Variants in LZTFL1 observed in about 807,000 individuals in gnomAD.
LZTFL1 encodes leucine zipper transcription factor-like protein 1.
Under a neutral mutation model 45.9 loss-of-function variants are expected in LZTFL1, and 25 were observed. The observed-to-expected ratio is 0.54, with a 90% CI of 0.40 to 0.76. LZTFL1 has a LOEUF of 0.76. Ranked by LOEUF, LZTFL1 falls within the 30% of genes least tolerant of loss-of-function variation. LZTFL1 has a pLI of 0.00. For missense variants in LZTFL1, 277 were observed against 331.1 expected (o/e 0.84, Z 1.27); for synonymous variants, 93 against 117.4 (o/e 0.79, Z 1.35).
At position 45,900,469 on chromosome 3, in the gene LZTFL1, CCA is replaced by C. The variant is rs1254906573; in HGVS notation, c.-215+12649_-215+12650del. 2.0e-5 allele frequency among the ~76,000 whole-genome samples: 3 copies of C among 152,084 alleles called. No individual in the cohort carries two copies. Among genetic ancestry groups the C allele is most frequent in the Non-Finnish European group, 4.4e-5 (3 of 68,014 alleles). ...TCAGTAGTGTGGAGGCACTCTTACC[CCA>C]TCAGAGCACTTGGCATGCACACTAT... On this transcript the variant is annotated intron_variant, in intron 2 of 4. Transcript: ENST00000472635. The surrounding 1 kb of genome is among the most constrained non-coding windows in gnomAD (Gnocchi z 4.7).
chr3:45,847,492 C>G lies in LZTFL1; in HGVS notation c.-49+7494G>C, dbSNP rs937820787. Among the ~76,000 whole-genome samples, 7 of 152,202 alleles carry G rather than the reference C, an allele frequency of 4.6e-5. No homozygotes were observed. In the South Asian group the frequency reaches 1.4e-3, roughly 31 times the overall value. ...ACATTGTGTTTGGGGGCAAGTAGACCACTTCAACACCTTTGACATGGAACT... is the reference window on the plus strand; with the variant it reads ...ACATTGTGTTTGGGGGCAAGTAGACGACTTCAACACCTTTGACATGGAACT... On this transcript the variant is annotated intron_variant, in intron 4 of 4. Coordinates refer to the LZTFL1 transcript ENST00000472635.
Position 45,900,828 on chromosome 3 carries a change from G to T in LZTFL1, c.-215+12292C>A, listed in dbSNP as rs1438760537. 1.2e-6 allele frequency: 2 copies of T among 1,612,410 alleles called. No individual in the cohort carries two copies. The highest frequency in any genetic ancestry group is 1.7e-6 in the Non-Finnish European group (2 of 1,178,800). On this transcript the variant is annotated intron_variant, in intron 2 of 4. Coordinates refer to the LZTFL1 transcript ENST00000472635. This position sits in a 1 kb window ranked among gnomAD's most constrained non-coding sequence, Gnocchi z 4.7. ...CTTGCAGAGCCCTATTCCTAACATGGCTGATGACTATGGCTCTGAATCCAC... is the reference window on the plus strand; with the variant it reads ...CTTGCAGAGCCCTATTCCTAACATGTCTGATGACTATGGCTCTGAATCCAC...
At chr3:45,852,019 C>T (rs756992461) in intron 4 of LZTFL1, among the ~76,000 whole-genome samples, 1 of 152,190 alleles carries the variant, frequency 6.6e-6, no homozygotes, top group African/African-American at 2.4e-5. Context: ...ATTCCTAGTC[C>T]TGACACGTTC....
At chr3:45,856,048 A>T (rs903721512) in intron 3 of LZTFL1, among the ~76,000 whole-genome samples, 14 of 152,270 alleles carry the variant, frequency 9.2e-5, no homozygotes, top group South Asian at 2.1e-4. Flanking sequence ...TAGAAAAAAA[A>T]TTTTTTAATT....
intron 2 of LZTFL1, among the ~76,000 whole-genome samples, chr3:45,859,737 A>T (rs1286278377): frequency 1.3e-5 from 2 of 151,482 alleles, no homozygotes; most frequent in African/African-American, 4.9e-5. Context: ...CCCAGGTTAA[A>T]GCGATTCTCA....
chr3:45,896,598 A>T (rs1320514971), intron 2 of LZTFL1, among the ~76,000 whole-genome samples: 1 of 152,160 alleles, frequency 6.6e-6, no homozygotes, highest in Non-Finnish European at 1.5e-5. Context: ...TTGGAGGAAT[A>T]GCCCTTGAGG....
intron 8 of LZTFL1, 125 bp downstream of exon 8, chr3:45,828,314 T>C (rs746703731): frequency 1.5e-4 from 124 of 802,594 alleles, no homozygotes; most frequent in Non-Finnish European, 2.4e-4. Flanking sequence ...TATTGGCTAA[T>C]ACCTTGAGAA....
chr3:45,903,250 C>T (rs961263818), intron 2 of LZTFL1: 1 of 164,338 alleles, frequency 6.1e-6, no homozygotes, highest in Non-Finnish European at 1.5e-5. Context: ...AGATTGAACT[C>T]CTTGTTCTAC....
At chr3:45,838,293 TTAAGA>T (rs1701016479) in intron 1 of LZTFL1, among the ~76,000 whole-genome samples, 1 of 152,180 alleles carries the variant, frequency 6.6e-6, no homozygotes, top group Non-Finnish European at 1.5e-5. Context: ...AGACCTGGTC[TTAAGA>T]TATGGGGTGT....
At chr3:45,894,674 C>T (rs1406748021) in intron 2 of LZTFL1, among the ~76,000 whole-genome samples, 1 of 152,064 alleles carries the variant, frequency 6.6e-6, no homozygotes, top group Non-Finnish European at 1.5e-5. Context: ...ATCAGGTGAC[C>T]CTCAGAGTCA....
chr3:45,914,458 G>C (rs1702859543), intron 1 of LZTFL1, among the ~76,000 whole-genome samples: 1 of 151,994 alleles, frequency 6.6e-6, no homozygotes, highest in South Asian at 2.1e-4. Flanking sequence ...TTTTTTGGTA[G>C]AGACGGGGTC....
At chr3:45,837,286 A>G (rs1700991255) in intron 2 of LZTFL1, among the ~76,000 whole-genome samples, 1 of 152,216 alleles carries the variant, frequency 6.6e-6, no homozygotes, top group Non-Finnish European at 1.5e-5. Flanking sequence ...ATAGGAAACC[A>G]GATTACCAGA....
rs557453723 is a variant in LZTFL1, at chr3:45,865,429, CACTT to C, written c.-214-6417_-214-6414del. Reference sequence around the variant, plus strand: ...TAGAGCAACAGAGCTCACAAAATCTCACTTACACGCACTACATGCTTCCACATGC... The same window carrying C: ...TAGAGCAACAGAGCTCACAAAATCTCACACGCACTACATGCTTCCACATGC... On this transcript the variant is annotated intron_variant, in intron 2 of 4. Coordinates refer to the LZTFL1 transcript ENST00000472635. 3.2e-4 allele frequency among the ~76,000 whole-genome samples: 49 copies of C among 152,388 alleles called. No homozygotes were observed. The South Asian group carries it at 3.9e-3, about 12-fold the overall frequency.
chr3:45,826,620 C>A lies in LZTFL1; in HGVS notation c.882-288G>T, dbSNP rs577788345. Among the ~76,000 whole-genome samples, 4 of 152,252 alleles carry A rather than the reference C, an allele frequency of 2.6e-5. No homozygotes were observed. The South Asian group carries it at 6.2e-4, about 24-fold the overall frequency. ...ATCATGTTGACAAGAACAGTTGATA[C>A]GACTATATGAGTAAAGGGCTAGCAA... On this transcript the variant is annotated intron_variant, in intron 9 of 9. Coordinates refer to ENST00000296135, the MANE Select transcript of LZTFL1 (RefSeq NM_020347.4).
rs576683836 is a variant in LZTFL1, at chr3:45,826,548, A to G, written c.882-216T>C. On this transcript the variant is annotated intron_variant, in intron 9 of 9. Transcript: ENST00000296135. The stretch of plus-strand genomic sequence containing the variant: ...ATCACTGCTAAGGCTCCAAGTCTGT[A>G]TATTTGGCATTTAGACCTGTGATAA... 2.6e-4 allele frequency among the ~76,000 whole-genome samples: 39 copies of G among 152,336 alleles called. 4 individuals carry two copies. The highest frequency in any genetic ancestry group is 2.1e-3 in the Admixed American group (32 of 15,310).
intron 2 of LZTFL1, among the ~76,000 whole-genome samples, chr3:45,896,815 G>A (rs1373178816): frequency 6.6e-6 from 1 of 152,116 alleles, no homozygotes; most frequent in Admixed American, 6.5e-5. Context: ...CCATTGCCTT[G>A]TGCCCATTCT....
rs918742141 is a variant in LZTFL1, at chr3:45,825,043, C to G, written c.*1271G>C. 5 of 395,514 alleles carry G rather than the reference C, an allele frequency of 1.3e-5. No individual in the cohort carries two copies. Among genetic ancestry groups the G allele is most frequent in the African/African-American group, 8.2e-5 (4 of 48,618 alleles). The allele number at this position is 395,514 out of a possible 1,614,324, so 24.5% of individuals were successfully genotyped here. ...TTCCTTCACTATTTTAACAAAAAGC[C>G]TATAAGAAAAATAATAAATTCAAGG... On this transcript the variant is annotated 3_prime_UTR_variant, in exon 10 of 10. Coordinates refer to ENST00000296135, the MANE Select transcript of LZTFL1 (RefSeq NM_020347.4).
In LZTFL1 at chr3:45,825,994, G is replaced by C. The variant is rs944636135; in HGVS notation, c.*320C>G. On this transcript the variant is annotated 3_prime_UTR_variant, in exon 10 of 10. Transcript: ENST00000296135. ...TTATTTAACATTTATTAAAAATACA[G>C]ACTCTTTATACTAATGCAGAAGGAT... The C allele has an allele frequency of 7.2e-6, 2 of 278,138 alleles. No individual in the cohort carries two copies. Among genetic ancestry groups the C allele is most frequent in the Non-Finnish European group, 1.3e-5 (2 of 150,708 alleles). 17.2% of individuals were successfully genotyped at this position (278,138 alleles called of 1,614,324 possible). A position where few individuals can be genotyped will look rare whatever the true frequency, so the allele number is the denominator to read the frequency against.
intron 2 of LZTFL1, among the ~76,000 whole-genome samples, chr3:45,905,223 T>C (rs1702657846): frequency 6.6e-6 from 1 of 152,196 alleles, no homozygotes; most frequent in Non-Finnish European, 1.5e-5. Context: ...CACACCATAG[T>C]GCTTCTGCAA....
Sources: gnomAD v4.1 joint callset for allele counts (sites outside exome capture counted in the v4.1 genomes callset) on GRCh38, gnomAD v4.1.1 for gene constraint, Gnocchi (gnomAD v3.1) non-coding constraint, MANE v1.5 for transcripts, NCBI Gene and HGNC (gene_info 2026-07-23, HGNC 2026-07-21) for gene names.